Variants in THRB observed in about 807,000 individuals in gnomAD.
THRB encodes thyroid hormone receptor beta.
THRB carries 12 observed loss-of-function variants against 47.8 expected under a neutral mutation model. The observed-to-expected ratio is 0.25, with a 90% CI of 0.16 to 0.41. THRB has a LOEUF of 0.41. Among genes scored for constraint, THRB ranks in the 10% least tolerant of loss-of-function variants. The pLI is 1.00. For synonymous variants in THRB, 218 were observed against 212.2 expected, an observed-to-expected ratio of 1.03 and a Z score of -0.24; for missense variants, 348 against 589.2, an observed-to-expected ratio of 0.59 and a Z score of 4.24.
At chr3:24,327,198 G>C (rs1044218548) in intron 2 of THRB, among the ~76,000 whole-genome samples, 3 of 152,172 alleles carry the variant, frequency 2.0e-5, no homozygotes, top group African/African-American at 4.8e-5. Flanking sequence ...AGACGATTTT[G>C]TGAGAGAGAT....
In THRB at chr3:24,273,631, T is replaced by C. The variant is rs529522770; in HGVS notation, c.-43+23595A>G. On this transcript the variant is annotated intron_variant, in intron 3 of 10. Transcript: ENST00000646209. ...TAGTTGGTGGCAGAAGCTGACCTGA[T>C]TTCATATGAGTGTTTCATAGTCTTT... Among the ~76,000 whole-genome samples, 10 of 152,324 alleles carry C rather than the reference T, an allele frequency of 6.6e-5. No individual in the cohort carries two copies. The South Asian group carries it at 2.1e-3, about 32-fold the overall frequency.
intron 1 of THRB, among the ~76,000 whole-genome samples, chr3:24,370,455 T>C (rs2064823771): frequency 6.6e-6 from 1 of 151,994 alleles, no homozygotes; most frequent in Non-Finnish European, 1.5e-5. Flanking sequence ...GTGTGAGGTG[T>C]GCACATGAGT....
At chr3:24,451,857 C>A (rs912928176) in intron 1 of THRB, among the ~76,000 whole-genome samples, 75 of 152,284 alleles carry the variant, frequency 4.9e-4, no homozygotes, top group African/African-American at 1.8e-3. Flanking sequence ...TTCCAGGGGT[C>A]AAAGGGCCTG....
chr3:24,262,767 C>T (rs2052201262), intron 3 of THRB, among the ~76,000 whole-genome samples: 1 of 152,226 alleles, frequency 6.6e-6, no homozygotes, highest in Non-Finnish European at 1.5e-5. Flanking sequence ...GAGCTTTTCA[C>T]CTTTGAATAT....
At chr3:24,476,120 G>A (rs1434541175) in intron 1 of THRB, among the ~76,000 whole-genome samples, 4 of 152,196 alleles carry the variant, frequency 2.6e-5, no homozygotes, top group African/African-American at 7.2e-5. Flanking sequence ...AAGATCGAAA[G>A]TACTTCCCTG....
intron 1 of THRB, among the ~76,000 whole-genome samples, chr3:24,369,613 T>C (rs2064758731): frequency 6.6e-6 from 1 of 152,092 alleles, no homozygotes; most frequent in Admixed American, 6.6e-5. Context: ...TGCTGGGCTA[T>C]TTTTTAACAC....
chr3:24,356,298 G>T (rs146147827), intron 1 of THRB, among the ~76,000 whole-genome samples: 3 of 152,062 alleles, frequency 2.0e-5, no homozygotes, highest in South Asian at 2.1e-4. Context: ...CGCCTCAAAG[G>T]TTCCACCGGA....
At chr3:24,325,251 T>C (rs577899961) in intron 2 of THRB, among the ~76,000 whole-genome samples, 5 of 152,348 alleles carry the variant, frequency 3.3e-5, no homozygotes, top group African/African-American at 4.8e-5. Flanking sequence ...TAGTTCATCA[T>C]TGCTGCCTCA....
chr3:24,477,007 A>ATTTTTTTTTTTTTTTTTTT (rs558247174), intron 1 of THRB, among the ~76,000 whole-genome samples: 59 of 126,450 alleles, frequency 4.7e-4, no homozygotes, highest in African/African-American at 1.8e-3. Flanking sequence ...GGTTTTCAAG[A>ATTTTTTTTTTTTTTTTTTT]TTTTTTTTTT....
chr3:24,162,505 AAGAC>A (rs1184235757), intron 5 of THRB, among the ~76,000 whole-genome samples: 13 of 152,202 alleles, frequency 8.5e-5, no homozygotes, highest in Non-Finnish European at 1.9e-4. Flanking sequence ...TATGAAAAAT[AAGAC>A]AGACATTACA....
chr3:24,381,533 T>C (rs1467641868), intron 1 of THRB, among the ~76,000 whole-genome samples: 1 of 152,202 alleles, frequency 6.6e-6, no homozygotes, highest in Non-Finnish European at 1.5e-5. Context: ...AGAAGTAAGT[T>C]ACATAGAACT....
At chr3:24,256,261 G>A (rs2051268557) in intron 3 of THRB, among the ~76,000 whole-genome samples, 1 of 145,196 alleles carries the variant, frequency 6.9e-6, no homozygotes, top group South Asian at 2.3e-4. Flanking sequence ...GTCATCAGAG[G>A]CCTTAATGAG....
chr3:24,246,636 G>A (rs968478034), intron 3 of THRB, among the ~76,000 whole-genome samples: 4 of 152,162 alleles, frequency 2.6e-5, no homozygotes, highest in Non-Finnish European at 5.9e-5. Flanking sequence ...ACCATTTGAT[G>A]TCTCTGTTGG....
intron 1 of THRB, among the ~76,000 whole-genome samples, chr3:24,417,335 T>C (rs1371668354): frequency 6.6e-6 from 1 of 151,944 alleles, no homozygotes; most frequent in Non-Finnish European, 1.5e-5. Flanking sequence ...ACTGTTCCTG[T>C]CTGGGCTTCT....
chr3:24,190,819 A>G (rs1213452744), intron 4 of THRB, among the ~76,000 whole-genome samples: 4 of 150,992 alleles, frequency 2.6e-5, no homozygotes, highest in Non-Finnish European at 5.9e-5. Context: ...GGACGTGCTC[A>G]CGTGGCCACA....
At chr3:24,416,751 T>C (rs2068764351) in intron 1 of THRB, among the ~76,000 whole-genome samples, 1 of 151,844 alleles carries the variant, frequency 6.6e-6, no homozygotes, top group South Asian at 2.1e-4. Flanking sequence ...AGAGTCACTT[T>C]GGGCTGCTAA....
chr3:24,481,214 G>A (rs1696307128), intron 1 of THRB, among the ~76,000 whole-genome samples: 1 of 133,134 alleles, frequency 7.5e-6, no homozygotes, highest in South Asian at 2.4e-4. Flanking sequence ...TATATGTGTG[G>A]ATGCGTTTCT....
At chr3:24,394,921 A>G (rs771252439) in intron 1 of THRB, among the ~76,000 whole-genome samples, 2 of 152,118 alleles carry the variant, frequency 1.3e-5, no homozygotes, top group Non-Finnish European at 2.9e-5. Context: ...ACTTTATACC[A>G]GTGTATAGAC....
intron 2 of THRB, among the ~76,000 whole-genome samples, chr3:24,318,126 C>T (rs143650428): frequency 1.9e-3 from 284 of 152,258 alleles, no homozygotes; most frequent in Non-Finnish European, 3.3e-3. Context: ...TGAGTAGAAG[C>T]GAAAATTCAG....
Sources: gnomAD v4.1 joint callset for allele counts (sites outside exome capture counted in the v4.1 genomes callset) on GRCh38, gnomAD v4.1.1 for gene constraint, MANE v1.5 for transcripts, NCBI Gene and HGNC (gene_info 2026-07-23, HGNC 2026-07-21) for gene names.